MYO10: variants seen among roughly 807,000 people sequenced by gnomAD.
The protein encoded by MYO10 is unconventional myosin-X.
Under a neutral mutation model 257.3 loss-of-function variants are expected in MYO10, and 133 were observed. That is an observed-to-expected ratio of 0.52 (90% CI 0.45 to 0.60). The LOEUF (loss-of-function observed/expected upper bound fraction) is 0.60. MYO10 is among the 20% of genes least tolerant of loss of function. The pLI, the probability that MYO10 is intolerant of heterozygous loss-of-function variation, is 0.00. For synonymous variants in MYO10, 1,104 were observed against 1,028.6 expected, an observed-to-expected ratio of 1.07 and a Z score of -1.40; for missense variants, 2,399 against 2,635.7, an observed-to-expected ratio of 0.91 and a Z score of 1.97.
chr5:16,701,100 C>T lies in MYO10; in HGVS notation c.3295G>A (p.Gly1099Ser), dbSNP rs1192077559. Residue 1099 changes from glycine (G) to serine (S), a missense_variant, in exon 25 of 41, where the codon GGT becomes AGT. Physicochemically the swap from Gly to Ser is moderately conservative, Grantham distance 56. Coordinates refer to ENST00000513610, the MANE Select transcript of MYO10 (RefSeq NM_012334.3). The surrounding 1 kb of genome is among the most constrained non-coding windows in gnomAD (Gnocchi z 8.1). ...YDYDQDDYED[G>S]AITSGSSVTF... Reference sequence around the variant, plus strand: ...ACGCTGCTGCCGGAAGTGATGGCACCGTCCTCATAGTCATCCTGGTCGTAG... The same window carrying T: ...ACGCTGCTGCCGGAAGTGATGGCACTGTCCTCATAGTCATCCTGGTCGTAG... 3.1e-6 allele frequency: 5 copies of T among 1,587,862 alleles called. No individual in the cohort carries two copies. Among genetic ancestry groups the T allele is most frequent in the African/African-American group, 1.3e-5 (1 of 74,454 alleles).
rs375419087 is a variant in MYO10, at chr5:16,701,395, G to T, written c.3000C>A (p.Asp1000Glu). The change falls in exon 25 of 41, where the codon GAC (aspartate) becomes GAA (glutamate). Residue 1000 changes from aspartate (D) to glutamate (E), a missense_variant. By Grantham distance (45) the Asp-to-Glu change is conservative (BLOSUM62 2). This residue lies in a region of MYO10 where 1,820 missense variants were observed against 1,939.4 expected (regional missense o/e 0.94). Transcript: ENST00000513610. This position sits in a 1 kb window ranked among gnomAD's most constrained non-coding sequence, Gnocchi z 8.1. ...EEEVDEGFEA[D>E]DDAFKDSPNP... ...TGGGGGAGTCCTTGAAGGCGTCGTC[G>T]TCGGCTTCGAAGCCCTCATCGACCT... 3.7e-6 allele frequency: 6 copies of T among 1,613,964 alleles called. No homozygotes were observed. The East Asian group carries it at 8.9e-5, about 24-fold the overall frequency.
chr5:16,837,915 C>T (rs1743361973), intron 2 of MYO10, among the ~76,000 whole-genome samples: 1 of 152,044 alleles, frequency 6.6e-6, no homozygotes. Flanking sequence ...ATAATTCAAA[C>T]TTTTCCATTA....
At position 16,818,082 on chromosome 5, in the gene MYO10, G is replaced by A. The variant is rs373617137; in HGVS notation, c.206C>T (p.Ala69Val). Residue 69 changes from alanine to valine, a missense_variant, in exon 3 of 41, where the codon GCG (alanine) becomes GTG (valine). Around this residue, in one of 3 missense-constraint regions of MYO10, gnomAD observed 242 missense variants for 249.5 expected, o/e 0.97. Transcript: ENST00000513610. ...PTNEEGVDDMASLTELHGGSI... is the reference protein window; with the variant it reads ...PTNEEGVDDMVSLTELHGGSI... ...GCCGCCATGGAGCTCTGTCAAGGAC[G>A]CCATGTCATCCACGCCCTCCTCGTT... 3 of 1,611,100 alleles carry A rather than the reference G, an allele frequency of 1.9e-6. No homozygotes were observed. The highest frequency in any genetic ancestry group is 1.3e-5 in the African/African-American group (1 of 74,866).
intron 12 of MYO10, 103 bp downstream of exon 12, chr5:16,764,146 CA>C (rs67792126): frequency 0.83 from 816,084 of 978,702 alleles, 332,192 homozygotes; most frequent in Middle Eastern, 0.87. Flanking sequence ...GACTCCTTCT[CA>C]AAAAAAAAAA....
At chr5:16,867,805 G>A (rs1744324693) in intron 2 of MYO10, among the ~76,000 whole-genome samples, 1 of 152,180 alleles carries the variant, frequency 6.6e-6, no homozygotes, top group Non-Finnish European at 1.5e-5. Context: ...TCTTTTAGTG[G>A]ATTAATAAAA....
At chr5:16,682,116 C>G (rs10064748) in intron 30 of MYO10, 103 bp from the exon 31 acceptor site, 2 of 1,376,390 alleles carry the variant, frequency 1.5e-6, no homozygotes, top group Non-Finnish European at 2.0e-6. Context: ...TTCTGGGTCA[C>G]GGGATATACA....
Position 16,702,841 on chromosome 5 carries a change from GGA to G in MYO10, c.2510+82_2510+83del, listed in dbSNP as rs1738146074. Reference sequence around the variant, plus strand: ...ATTGTAGGTTCTGGGGCATCTGCTGGGATTTCTGGCTGCACAGACAGATACCG... The same window carrying G: ...ATTGTAGGTTCTGGGGCATCTGCTGGTTTCTGGCTGCACAGACAGATACCG... On this transcript the variant is annotated intron_variant, in intron 23 of 40. Coordinates refer to ENST00000513610, the MANE Select transcript of MYO10 (RefSeq NM_012334.3). 2.4e-6 allele frequency: 3 copies of G among 1,272,438 alleles called. No individual in the cohort carries two copies. The African/African-American group carries it at 4.5e-5, about 19-fold the overall frequency. The allele number at this position is 1,272,438 out of a possible 1,614,324, so 78.8% of individuals were successfully genotyped here. A position where few individuals can be genotyped will look rare whatever the true frequency, so the allele number is the denominator to read the frequency against.
intron 19 of MYO10, among the ~76,000 whole-genome samples, chr5:16,750,812 A>G (rs1257632542): frequency 6.6e-6 from 1 of 152,192 alleles, no homozygotes; most frequent in Non-Finnish European, 1.5e-5. Flanking sequence ...CCTGACCAAC[A>G]TGGAGAAACC....
chr5:16,845,991 AAG>A (rs1183152105), intron 2 of MYO10, among the ~76,000 whole-genome samples: 2 of 152,130 alleles, frequency 1.3e-5, no homozygotes, highest in South Asian at 4.2e-4. Context: ...AAAGAATGGC[AAG>A]AGTTATTAGA....
At chr5:16,855,480 T>C (rs1475100684) in intron 2 of MYO10, among the ~76,000 whole-genome samples, 5 of 152,216 alleles carry the variant, frequency 3.3e-5, no homozygotes, top group Admixed American at 3.3e-4. Flanking sequence ...TCTTCAGATG[T>C]TAATTATAAA....
At chr5:16,803,970 C>T (rs1228458748) in intron 3 of MYO10, among the ~76,000 whole-genome samples, 1 of 152,252 alleles carries the variant, frequency 6.6e-6, no homozygotes, top group African/African-American at 2.4e-5. Context: ...GAGGTCACTG[C>T]TCCTGCCTCT....
At chr5:16,745,004 G>T (rs1018453002) in intron 19 of MYO10, among the ~76,000 whole-genome samples, 12 of 152,192 alleles carry the variant, frequency 7.9e-5, no homozygotes, top group Non-Finnish European at 1.6e-4. Context: ...GAAGAGCAGC[G>T]AATGGAAGAT....
intron 1 of MYO10, among the ~76,000 whole-genome samples, chr5:16,908,464 G>C (rs1158609435): frequency 2.0e-5 from 3 of 152,134 alleles, no homozygotes; most frequent in Admixed American, 6.5e-5. Context: ...GGAGGTGAAG[G>C]TTACAGTGGG....
At chr5:16,738,911 A>AAAAAAG (rs1739911535) in intron 19 of MYO10, among the ~76,000 whole-genome samples, 2 of 133,060 alleles carry the variant, frequency 1.5e-5, no homozygotes, top group Non-Finnish European at 3.2e-5. Context: ...AAAAAAAAAA[A>AAAAAAG]GTACACAACT....
intron 2 of MYO10, among the ~76,000 whole-genome samples, chr5:16,823,830 C>A (rs1437359170): frequency 6.6e-6 from 1 of 151,874 alleles, no homozygotes; most frequent in Non-Finnish European, 1.5e-5. Context: ...GAAACAAGGG[C>A]CACAATACTG....
intron 1 of MYO10, among the ~76,000 whole-genome samples, chr5:16,917,511 C>G (rs1460467007): frequency 6.6e-6 from 1 of 152,006 alleles, no homozygotes; most frequent in African/African-American, 2.4e-5. Context: ...TTCTAAATAT[C>G]CCCGGTGAGG....
At chr5:16,712,155 C>T (rs1175031181) in intron 19 of MYO10, among the ~76,000 whole-genome samples, 3 of 151,876 alleles carry the variant, frequency 2.0e-5, no homozygotes, top group South Asian at 2.1e-4. Context: ...CCACGCTAGC[C>T]GGTTTGGAAG....
chr5:16,702,916 G>C lies in MYO10; in HGVS notation c.2510+9C>G. ...CATTTGTTTCATCCCAGCAAGAAAG[G>C]TACTGTACCTTTCTTCTTCCTCCCG... On this transcript the variant is annotated intron_variant, in intron 23 of 40. Transcript: ENST00000513610. 2 of 1,548,312 alleles carry C rather than the reference G, an allele frequency of 1.3e-6. No individual in the cohort carries two copies. Among genetic ancestry groups the C allele is most frequent in the Non-Finnish European group, 8.7e-7 (1 of 1,144,258 alleles).
intron 9 of MYO10, 71 bp downstream of exon 9, chr5:16,779,474 G>T: frequency 1.1e-6 from 1 of 931,660 alleles, no homozygotes; most frequent in Non-Finnish European, 1.6e-6. Flanking sequence ...TTTTGAAACC[G>T]AAAATGAAAT....
Sources: allele counts gnomAD v4.1 joint callset (sites outside exome capture counted in the v4.1 genomes callset), GRCh38; gene constraint gnomAD v4.1.1; regional missense constraint gnomAD v4.1.1; non-coding constraint Gnocchi (gnomAD v3.1); transcripts MANE v1.5; gene names NCBI Gene and HGNC (gene_info 2026-07-23, HGNC 2026-07-21).